COL4A4: variants seen among roughly 807,000 people sequenced by gnomAD.
The protein encoded by COL4A4 is collagen type IV alpha 4 chain, also known as collagen alpha-4(IV) chain.
COL4A4 carries 105 observed loss-of-function variants against 192.9 expected under a neutral mutation model. The ratio of observed to expected loss-of-function variants is 0.54; its 90% CI spans 0.46 to 0.64. COL4A4 has a LOEUF of 0.64. Among genes scored for constraint, COL4A4 ranks in the 30% least tolerant of loss-of-function variants. The pLI is 0.00. For missense variants in COL4A4, 1,967 were observed against 2,169.3 expected (o/e 0.91, Z 1.85); for synonymous variants, 762 against 769.9 (o/e 0.99, Z 0.17).
chr2:226,998,189 C>T (rs1453007863), downstream of COL4A4: 1 of 152,168 alleles, frequency 6.6e-6, no homozygotes. Flanking sequence ...AAAATTGCTT[C>T]CTCTTAATGA....
At chr2:226,976,028 G>A in the COL4A4 span, among the ~76,000 whole-genome samples, 2 of 151,828 alleles carry the variant, frequency 1.3e-5, no homozygotes, top group African/African-American at 4.8e-5. Context: ...AGCAGGGCCT[G>A]TCTGGTCACA....
Position 227,120,998 on chromosome 2 carries a change from A to G in COL4A4, c.327+16T>C, listed in dbSNP as rs777621333. ...GTGAGTCTTTCATGTGAATCTCCACATAAGATGTGGCTTACCTTATCTCCT... is the reference window on the plus strand; with the variant it reads ...GTGAGTCTTTCATGTGAATCTCCACGTAAGATGTGGCTTACCTTATCTCCT... On this transcript the variant is annotated intron_variant, in intron 5 of 47. Transcript: ENST00000396625. 1.9e-6 allele frequency: 3 copies of G among 1,613,958 alleles called. No homozygotes were observed. Among genetic ancestry groups the G allele is most frequent in the Non-Finnish European group, 2.5e-6 (3 of 1,179,934 alleles).
intron 21 of COL4A4, among the ~76,000 whole-genome samples, chr2:227,089,590 T>TATATATATATATATAC (rs1176706159): frequency 1.5e-5 from 2 of 130,636 alleles, no homozygotes; most frequent in African/African-American, 3.1e-5. Flanking sequence ...AAATGTTCCA[T>TATATATATATATATAC]ATATATATAT....
At chr2:227,041,824 GAAAGAAAGAA>G (rs1331190243) in intron 37 of COL4A4, among the ~76,000 whole-genome samples, 1 of 44,132 alleles carries the variant, frequency 2.3e-5, no homozygotes, top group Non-Finnish European at 3.9e-5. Context: ...AAGAAAGAAA[GAAAGAAAGAA>G]AGAAAGAAAG....
In COL4A4 at chr2:227,153,003, G is replaced by A. The variant is rs527287684; in HGVS notation, c.-101-5419C>T. Among the ~76,000 whole-genome samples, 5 of 152,318 alleles carry A rather than the reference G, an allele frequency of 3.3e-5. No individual in the cohort carries two copies. The South Asian group carries it at 1.0e-3, about 32-fold the overall frequency. ...CTCACAGTTCCACATGGCTAGGGAGGCCTCACAATCATGATGGAAGGTGAA... is the reference window on the plus strand; with the variant it reads ...CTCACAGTTCCACATGGCTAGGGAGACCTCACAATCATGATGGAAGGTGAA... On this transcript the variant is annotated intron_variant, in intron 1 of 47. Transcript: ENST00000396625.
chr2:226,988,324 A>G, the COL4A4 span: 1 of 1,548,508 alleles, frequency 6.5e-7, no homozygotes, highest in Non-Finnish European at 8.7e-7. Context: ...CCACCTGAAC[A>G]TCTGCAGGAA....
At chr2:227,102,715 C>T in intron 15 of COL4A4, 74 bp downstream of exon 15, 1 of 1,315,294 alleles carries the variant, frequency 7.6e-7, no homozygotes, top group Non-Finnish European at 1.1e-6. Context: ...TGTGGGACTA[C>T]TGACCTGGTT....
intron 35 of COL4A4, among the ~76,000 whole-genome samples, chr2:227,044,429 A>G (rs1287136285): frequency 1.3e-5 from 2 of 152,144 alleles, no homozygotes; most frequent in Non-Finnish European, 2.9e-5. Context: ...GTATTTACAA[A>G]CCATGCTGGG....
chr2:227,131,041 TC>T (rs1437576866), intron 4 of COL4A4, among the ~76,000 whole-genome samples: 6 of 152,114 alleles, frequency 3.9e-5, no homozygotes. Flanking sequence ...AGCCACATTT[TC>T]CAAACAGCAC....
chr2:227,163,932 C>G (rs1022114629), intron 1 of COL4A4, 75 bp downstream of exon 1: 1 of 152,556 alleles, frequency 6.6e-6, no homozygotes, highest in African/African-American at 2.4e-5. Context: ...TTGAATGCCA[C>G]GCTCCCTCCA....
At chr2:226,990,012 AT>A in the COL4A4 span, among the ~76,000 whole-genome samples, 1 of 152,250 alleles carries the variant, frequency 6.6e-6, no homozygotes, top group Admixed American at 6.5e-5. Context: ...TCACATCTAA[AT>A]ATTACCTTTC....
chr2:227,101,621 T>G (rs1340787730), intron 16 of COL4A4, 64 bp from the exon 17 acceptor site: 8 of 1,487,170 alleles, frequency 5.4e-6, no homozygotes, highest in Admixed American at 1.7e-5. Context: ...TATCTCATTC[T>G]CATTTAATTT....
intron 24 of COL4A4, among the ~76,000 whole-genome samples, chr2:227,080,146 G>A (rs2059243807): frequency 6.6e-6 from 1 of 152,074 alleles, no homozygotes. Flanking sequence ...AATCAGTGGG[G>A]CCCTTCTAGG....
chr2:227,112,271 C>A (rs1175565269), intron 8 of COL4A4, among the ~76,000 whole-genome samples: 2 of 149,450 alleles, frequency 1.3e-5, no homozygotes, highest in South Asian at 2.1e-4. Context: ...GACATTTCAA[C>A]CTTTTTTTTT....
chr2:227,044,088 T>C (rs561520290), intron 35 of COL4A4, among the ~76,000 whole-genome samples: 22 of 152,312 alleles, frequency 1.4e-4, no homozygotes, highest in Admixed American at 4.6e-4. Flanking sequence ...GAACAGACCA[T>C]TCAACATTTG....
Position 227,006,578 on chromosome 2 carries a change from A to C in COL4A4, c.*747T>G, listed in dbSNP as rs752977716. 1 of 152,168 alleles carries C rather than the reference A, an allele frequency of 6.6e-6. No homozygotes were observed. The highest frequency in any genetic ancestry group is 1.9e-4 in the East Asian group (1 of 5,204). 9.4% of individuals were successfully genotyped at this position (152,168 alleles called of 1,614,324 possible). ...TTTTTTCCATAATTGCTACTTTTCA[A>C]AAGGGTTGCCAAAGTAGGCATTTCT... On this transcript the variant is annotated 3_prime_UTR_variant, in exon 48 of 48. Coordinates refer to ENST00000396625, the MANE Select transcript of COL4A4 (RefSeq NM_000092.5).
At chr2:227,115,057 T>C (rs140001023) in intron 7 of COL4A4, among the ~76,000 whole-genome samples, 1 of 151,916 alleles carries the variant, frequency 6.6e-6, no homozygotes, top group Non-Finnish European at 1.5e-5. Context: ...TATATATATA[T>C]ATAGAGAGAG....
chr2:226,978,354 G>A, the COL4A4 span, among the ~76,000 whole-genome samples: 1 of 152,214 alleles, frequency 6.6e-6, no homozygotes, highest in South Asian at 2.1e-4. Context: ...ACTAGTTGGA[G>A]TAGAGAAAGG....
intron 20 of COL4A4, among the ~76,000 whole-genome samples, chr2:227,090,324 C>A (rs2059846675): frequency 6.6e-6 from 1 of 152,014 alleles, no homozygotes; most frequent in African/African-American, 2.4e-5. Flanking sequence ...CAATTCTTAG[C>A]TAATGAAGAA....
Sources: allele counts gnomAD v4.1 joint callset (sites outside exome capture counted in the v4.1 genomes callset), GRCh38; gene constraint gnomAD v4.1.1; transcripts MANE v1.5; gene names NCBI Gene and HGNC (gene_info 2026-07-23, HGNC 2026-07-21).